PARD3B: variants seen among roughly 807,000 people sequenced by gnomAD.
PARD3B encodes par-3 family cell polarity regulator beta, also known as partitioning defective 3 homolog B.
In PARD3B, 103 loss-of-function variants were observed where a neutral mutation model predicts 130.2. The ratio of observed to expected loss-of-function variants is 0.79; its 90% CI spans 0.67 to 0.93. PARD3B has a LOEUF of 0.93. PARD3B is among the 40% of genes least tolerant of loss of function. The pLI, the probability that PARD3B is intolerant of heterozygous loss-of-function variation, is 0.00. For synonymous variants in PARD3B, 583 were observed against 553.2 expected, an observed-to-expected ratio of 1.05 and a Z score of -0.76; for missense variants, 1,609 against 1,499.2, an observed-to-expected ratio of 1.07 and a Z score of -1.21.
chr2:204,786,333 C>CTTTA (rs2042010187), intron 2 of PARD3B, among the ~76,000 whole-genome samples: 1 of 151,962 alleles, frequency 6.6e-6, no homozygotes. Flanking sequence ...CCTGGAGTTT[C>CTTTA]TTTATTTTGA....
intron 3 of PARD3B, among the ~76,000 whole-genome samples, chr2:205,042,471 G>A (rs1698464413): frequency 6.6e-6 from 1 of 152,094 alleles, no homozygotes. Context: ...ATATTCTAGT[G>A]AGAATTATGC....
At chr2:205,224,556 A>AC (rs2038440118) in intron 15 of PARD3B, among the ~76,000 whole-genome samples, 5 of 64,088 alleles carry the variant, frequency 7.8e-5, no homozygotes, top group African/African-American at 3.1e-4. Context: ...CCCGCCCCCA[A>AC]CCCCCCAGCA....
chr2:205,113,809 GA>G (rs1021086020), intron 6 of PARD3B, among the ~76,000 whole-genome samples: 1 of 152,106 alleles, frequency 6.6e-6, no homozygotes, highest in Admixed American at 6.5e-5. Flanking sequence ...AATTAATTAT[GA>G]AATACTTTCT....
rs905123208 is a variant in PARD3B, at chr2:205,558,740, A to G, written c.3260+5337A>G. ...ATGATGATTCCAAAAGTACCTGCCTAACATTCATGTCCCACTCTTGTGACC... is the reference window on the plus strand; with the variant it reads ...ATGATGATTCCAAAAGTACCTGCCTGACATTCATGTCCCACTCTTGTGACC... On this transcript the variant is annotated intron_variant, in intron 22 of 22. Transcript: ENST00000406610. This position sits in a 1 kb window ranked among gnomAD's most constrained non-coding sequence, Gnocchi z 4.8. 6.6e-6 allele frequency among the ~76,000 whole-genome samples: 1 copy of G among 152,106 alleles called. No individual in the cohort carries two copies. Among genetic ancestry groups the G allele is most frequent in the Non-Finnish European group, 1.5e-5 (1 of 68,032 alleles).
rs11315348 is a variant in PARD3B, at chr2:204,888,730, C to CAAA, written c.223-76404_223-76402dup. On this transcript the variant is annotated intron_variant, in intron 2 of 22. Transcript: ENST00000406610. ...TGGGCAACAGAATGAGACCCTGTCTCAAAAAAAAAAAAAAAAAAAATGTAT... is the reference window on the plus strand; with the variant it reads ...TGGGCAACAGAATGAGACCCTGTCTCAAAAAAAAAAAAAAAAAAAAAAATGTAT... 1.9e-3 allele frequency among the ~76,000 whole-genome samples: 157 copies of CAAA among 81,338 alleles called. 4 individuals carry two copies. In the Middle Eastern group the frequency reaches 0.021, roughly 11 times the overall value. 53.4% of individuals were successfully genotyped at this position (81,338 alleles called of 152,430 possible).
intron 4 of PARD3B, among the ~76,000 whole-genome samples, chr2:205,079,280 A>C (rs554550159): frequency 6.6e-6 from 1 of 152,354 alleles, no homozygotes; most frequent in South Asian, 2.1e-4. Flanking sequence ...CTTGTGTCTT[A>C]GTCTGTTTGT....
intron 2 of PARD3B, among the ~76,000 whole-genome samples, chr2:204,888,381 G>A (rs1299972721): frequency 6.6e-6 from 1 of 151,996 alleles, no homozygotes; most frequent in African/African-American, 2.4e-5. Flanking sequence ...GGAGGGAACT[G>A]TGTTGCACAA....
At chr2:204,794,575 TC>T (rs887414527) in intron 2 of PARD3B, among the ~76,000 whole-genome samples, 53 of 152,322 alleles carry the variant, frequency 3.5e-4, no homozygotes, top group African/African-American at 1.2e-3. Context: ...TATATGGTCT[TC>T]CCAGTGTATA....
At chr2:204,859,224 G>A (rs1391363961) in intron 2 of PARD3B, among the ~76,000 whole-genome samples, 3 of 152,018 alleles carry the variant, frequency 2.0e-5, no homozygotes, top group African/African-American at 7.2e-5. Flanking sequence ...TTATTTAGTG[G>A]TATTCGGAAG....
chr2:204,941,694 T>C (rs908350252), intron 2 of PARD3B, among the ~76,000 whole-genome samples: 3 of 152,200 alleles, frequency 2.0e-5, no homozygotes, highest in Non-Finnish European at 2.9e-5. Flanking sequence ...CAGACAGATA[T>C]ATTCTTACTT....
Position 205,258,629 on chromosome 2 carries a change from G to A in PARD3B, c.2185+12807G>A, listed in dbSNP as rs1047920675. 2.0e-5 allele frequency among the ~76,000 whole-genome samples: 3 copies of A among 152,156 alleles called. No homozygotes were observed. The East Asian group carries it at 5.8e-4, about 29-fold the overall frequency. On this transcript the variant is annotated intron_variant, in intron 16 of 22. Coordinates refer to ENST00000406610, the MANE Select transcript of PARD3B (RefSeq NM_001302769.2). This position sits in a 1 kb window ranked among gnomAD's most constrained non-coding sequence, Gnocchi z 4.9. ...GTTCCAAAAGCAGTGTGTGGCACAC[G>A]GCAGGCATCCTTTACGTAGTACTTG...
chr2:204,715,484 CTT>C (rs77864369), intron 2 of PARD3B, among the ~76,000 whole-genome samples: 6 of 135,524 alleles, frequency 4.4e-5, no homozygotes, highest in Non-Finnish European at 1.6e-5. Context: ...TGCTGTTTTT[CTT>C]TTTTTTTTTT....
At chr2:205,267,796 A>T (rs1035870965) in intron 16 of PARD3B, among the ~76,000 whole-genome samples, 3 of 152,202 alleles carry the variant, frequency 2.0e-5, no homozygotes, top group Non-Finnish European at 4.4e-5. Flanking sequence ...GTCAATAAAA[A>T]TATGAAATTT....
intron 22 of PARD3B, among the ~76,000 whole-genome samples, chr2:205,556,738 C>T (rs2052903683): frequency 6.6e-6 from 1 of 152,196 alleles, no homozygotes; most frequent in African/African-American, 2.4e-5. Context: ...CCAGCCTCAA[C>T]AGCCCCCAGT....
intron 4 of PARD3B, among the ~76,000 whole-genome samples, chr2:205,050,949 T>C (rs1426113344): frequency 1.3e-5 from 2 of 152,140 alleles, no homozygotes; most frequent in African/African-American, 4.8e-5. Flanking sequence ...TTATTAATAA[T>C]GTCTTCACAA....
rs371356478 is a variant in PARD3B at position 205,230,841 on chromosome 2, G to T, written c.2141-14937G>T. 1.8e-4 allele frequency among the ~76,000 whole-genome samples: 28 copies of T among 152,104 alleles called. No individual in the cohort carries two copies. The highest frequency in any genetic ancestry group is 6.5e-4 in the Admixed American group (10 of 15,276). On this transcript the variant is annotated intron_variant, in intron 15 of 22. Coordinates refer to ENST00000406610, the MANE Select transcript of PARD3B (RefSeq NM_001302769.2). The surrounding 1 kb of genome is among the most constrained non-coding windows in gnomAD (Gnocchi z 4.1). ...GATGGGCAATTTCCCTCTGGCTAGG[G>T]CTGGTCTGAGTGCTCCCTCCATGGA...
chr2:204,914,791 C>T (rs563493136), intron 2 of PARD3B, among the ~76,000 whole-genome samples: 78 of 152,260 alleles, frequency 5.1e-4, no homozygotes, highest in African/African-American at 1.8e-3. Context: ...GAATTTCCAG[C>T]AGGACTGTGG....
At position 205,118,973 on chromosome 2, in the gene PARD3B, G is replaced by C. The variant is rs776220094; in HGVS notation, c.733G>C (p.Glu245Gln). The change falls in exon 7 of 23, where the codon GAG becomes CAG. Residue 245 changes from glutamate (E) to glutamine (Q), a missense_variant. Coordinates refer to ENST00000406610, the MANE Select transcript of PARD3B (RefSeq NM_001302769.2). The part of the protein sequence containing the change: ...GIEDNSRSKR[E>Q]GLFHENECIV... ...TGAAGACAACAGCAGGTCCAAGCGG[G>C]AGGGACTATTTCACGAAAATGAATG... 86 of 1,612,534 alleles carry C rather than the reference G, an allele frequency of 5.3e-5. No individual in the cohort carries two copies. Among genetic ancestry groups the C allele is most frequent in the Middle Eastern group, 1.6e-4 (1 of 6,080 alleles).
intron 3 of PARD3B, among the ~76,000 whole-genome samples, chr2:205,027,821 A>G (rs1349095597): frequency 6.6e-6 from 1 of 152,140 alleles, no homozygotes; most frequent in Non-Finnish European, 1.5e-5. Context: ...TGAAGAGACT[A>G]TCCTTTCCCC....
Sources: gnomAD v4.1 joint callset for allele counts (sites outside exome capture counted in the v4.1 genomes callset) on GRCh38, gnomAD v4.1.1 for gene constraint, Gnocchi (gnomAD v3.1) non-coding constraint, MANE v1.5 for transcripts, NCBI Gene and HGNC (gene_info 2026-07-23, HGNC 2026-07-21) for gene names.